RGS4: variants seen among roughly 807,000 people sequenced by gnomAD.
The protein encoded by RGS4 is regulator of G protein signaling 4.
Under a neutral mutation model 21.6 loss-of-function variants are expected in RGS4, and 15 were observed. The observed-to-expected ratio is 0.69, with a 90% CI of 0.46 to 1.07. The LOEUF (loss-of-function observed/expected upper bound fraction) is 1.07, where lower values mean the gene tolerates loss of function less well. Ranked by LOEUF, RGS4 falls within the 50% of genes least tolerant of loss-of-function variation. The probability of loss-of-function intolerance (pLI) is 0.00; values close to 1 mark genes in which losing one functional copy is unlikely to be tolerated. For missense variants in RGS4, 237 were observed against 239.0 expected (o/e 0.99, Z 0.06); for synonymous variants, 94 against 85.5 (o/e 1.10, Z -0.55).
intron 1 of RGS4, 124 bp from the exon 2 acceptor site, chr1:163,072,271 A>G: frequency 1.1e-6 from 1 of 879,944 alleles, no homozygotes. Context: ...GCCAACTCCA[A>G]CTCCCGTTCC....
chr1:163,068,946 G>A (rs1655209359), upstream of RGS4: 1 of 1,602,726 alleles, frequency 6.2e-7, no homozygotes, highest in South Asian at 1.1e-5. Context: ...TGTATAATAT[G>A]ATGCTTCTAA....
chr1:163,072,432 C>CA lies in RGS4; in HGVS notation c.87dup (p.Ser30IlefsTer2). ...GAAACATCGGCTAGGTTTCCTGCTGCAAAAATCTGATTCCTGTGAACACAA... is the reference window on the plus strand; with the variant it reads ...GAAACATCGGCTAGGTTTCCTGCTGCAAAAAATCTGATTCCTGTGAACACAA... On this transcript the variant is annotated frameshift_variant, in exon 2 of 5. Transcript: ENST00000367909. LOFTEE classifies it high-confidence loss of function. The CA allele has an allele frequency of 6.2e-7, 1 of 1,613,144 alleles. No homozygotes were observed. Among genetic ancestry groups the CA allele is most frequent in the Non-Finnish European group, 8.5e-7 (1 of 1,179,496 alleles).
At chr1:163,070,943 G>A (rs576780525) in intron 1 of RGS4, among the ~76,000 whole-genome samples, 1 of 152,236 alleles carries the variant, frequency 6.6e-6, no homozygotes, top group East Asian at 1.9e-4. Context: ...GGGTGAGTTA[G>A]GACCAAATCT....
intron 4 of RGS4, 104 bp from the exon 5 acceptor site, chr1:163,074,217 A>T: frequency 6.8e-7 from 1 of 1,474,052 alleles, no homozygotes; most frequent in Non-Finnish European, 9.2e-7. Context: ...TTTGCTTCTG[A>T]AATACAGAGG....
intron 1 of RGS4, 46 bp downstream of exon 1, chr1:163,069,574 C>T: frequency 6.7e-7 from 1 of 1,498,646 alleles, no homozygotes; most frequent in Non-Finnish European, 9.2e-7. Flanking sequence ...TTTGGCTAGA[C>T]TTTCTCAGTT....
rs1655485270 is a variant in RGS4 at position 163,076,062 on chromosome 1, T to C, written c.*1502T>C. The C allele has an allele frequency of 6.6e-6, 1 of 152,598 alleles. No individual in the cohort carries two copies. Among genetic ancestry groups the C allele is most frequent in the South Asian group, 2.1e-4 (1 of 4,832 alleles). 9.5% of individuals were successfully genotyped at this position (152,598 alleles called of 1,614,324 possible). Reference sequence around the variant, plus strand: ...TTCTCATTTATGTTATTTATGATGTTATTTTGTACGTGTTATTATTATTAT... The same window carrying C: ...TTCTCATTTATGTTATTTATGATGTCATTTTGTACGTGTTATTATTATTAT... On this transcript the variant is annotated 3_prime_UTR_variant, in exon 5 of 5. Transcript: ENST00000367909.
chr1:163,072,470 CAAG>C lies in RGS4; in HGVS notation c.124_126del (p.Lys42del), dbSNP rs760615049. ...CCTGTGAACACAATTCTTCCCACAA[CAAG>C]AAGGACAAAGTGGTTATTTGCCAGA... is the stretch of plus-strand genomic sequence containing the variant. On this transcript the variant is annotated inframe_deletion, in exon 2 of 5. Transcript: ENST00000367909. 2.5e-6 allele frequency: 4 copies of C among 1,612,880 alleles called. No homozygotes were observed. The highest frequency in any genetic ancestry group is 1.1e-5 in the South Asian group (1 of 91,056).
chr1:163,072,065 A>T, intron 1 of RGS4: 1 of 1,029,692 alleles, frequency 9.7e-7, no homozygotes, highest in Non-Finnish European at 1.2e-6. Context: ...GTGTTCAGTG[A>T]TTCAGGTTCT....
In RGS4 at chr1:163,074,618, G is replaced by C. The variant is rs1310553959; in HGVS notation, c.*58G>C. On this transcript the variant is annotated 3_prime_UTR_variant, in exon 5 of 5. Transcript: ENST00000367909. ...AGACTCTATGCTCTGGAAAACCTGA[G>C]GCCAAATATTGATCTGTATTAAGCT... The C allele has an allele frequency of 8.7e-6, 14 of 1,612,246 alleles. No individual in the cohort carries two copies. The highest frequency in any genetic ancestry group is 1.1e-5 in the Non-Finnish European group (13 of 1,178,662).
intron 1 of RGS4, among the ~76,000 whole-genome samples, chr1:163,070,064 A>C (rs1479040741): frequency 2.0e-5 from 3 of 152,158 alleles, no homozygotes; most frequent in Admixed American, 6.6e-5. Flanking sequence ...TATGAGTTTT[A>C]AAGCCAGATC....
chr1:163,069,184 A>T, upstream of RGS4: 1 of 1,506,158 alleles, frequency 6.6e-7, no homozygotes. Context: ...TACTTTTCAG[A>T]AGGATTTTCT....
rs866062466 is a variant in RGS4, at chr1:163,072,463, C to T, written c.113C>T (p.Ser38Phe). 2.5e-6 allele frequency: 4 copies of T among 1,613,110 alleles called. No homozygotes were observed. Among genetic ancestry groups the T allele is most frequent in the South Asian group, 2.2e-5 (2 of 91,062 alleles). Residue 38 changes from serine to phenylalanine, a missense_variant, in exon 2 of 5, where the codon TCC becomes TTC. By Grantham distance (155) the Ser-to-Phe change is radical (BLOSUM62 -2). Coordinates refer to ENST00000367909, the MANE Select transcript of RGS4 (RefSeq NM_005613.6). ...TCTGATTCCTGTGAACACAATTCTT[C>T]CCACAACAAGAAGGACAAAGTGGTT... Reference protein sequence around the residue: ...QKSDSCEHNSSHNKKDKVVIC... With the variant: ...QKSDSCEHNSFHNKKDKVVIC...
chr1:163,072,951 T>G (rs1353917453), intron 3 of RGS4, 85 bp downstream of exon 3: 1 of 1,187,820 alleles, frequency 8.4e-7, no homozygotes, highest in African/African-American at 1.5e-5. Context: ...CAGCAAGGCC[T>G]GGCTTCTTTC....
chr1:163,069,648 C>T (rs954771757), intron 1 of RGS4, 120 bp downstream of exon 1: 9 of 801,200 alleles, frequency 1.1e-5, no homozygotes, highest in South Asian at 1.8e-5. Context: ...CAGGAGAGCA[C>T]GACTTTCTAA....
upstream of RGS4, chr1:163,069,307 T>C (rs1164366589): frequency 6.4e-7 from 1 of 1,551,318 alleles, no homozygotes; most frequent in South Asian, 1.2e-5. Context: ...GGTCGTCTGA[T>C]TGGCTGGACG....
intron 1 of RGS4, chr1:163,072,171 G>A (rs1655339843): frequency 4.6e-6 from 5 of 1,089,296 alleles, no homozygotes; most frequent in South Asian, 5.7e-5. Flanking sequence ...AATTCCAGTT[G>A]TGGATGAAGG....
Position 163,076,233 on chromosome 1 carries a change from A to G in RGS4, c.*1673A>G, listed in dbSNP as rs1034839006. 6.6e-5 allele frequency: 10 copies of G among 152,628 alleles called. No homozygotes were observed. Among genetic ancestry groups the G allele is most frequent in the African/African-American group, 1.9e-4 (8 of 41,458 alleles). 9.5% of individuals were successfully genotyped at this position (152,628 alleles called of 1,614,324 possible). A position where few individuals can be genotyped will look rare whatever the true frequency, so the allele number is the denominator to read the frequency against. On this transcript the variant is annotated 3_prime_UTR_variant, in exon 5 of 5. Transcript: ENST00000367909. The stretch of plus-strand genomic sequence containing the variant: ...TACACTGCATTCGTTGCTCCAGTAT[A>G]AATTACATGCATGAGCACCTTTCTG...
chr1:163,073,694 C>T, intron 4 of RGS4, 72 bp downstream of exon 4: 2 of 991,080 alleles, frequency 2.0e-6, no homozygotes, highest in Non-Finnish European at 2.9e-6. Flanking sequence ...TACATGCATA[C>T]AATGTGATAA....
chr1:163,074,947 C>T lies in RGS4; in HGVS notation c.*387C>T, dbSNP rs1451460704. 2.7e-5 allele frequency: 14 copies of T among 522,902 alleles called. No homozygotes were observed. The highest frequency in any genetic ancestry group is 5.0e-4 in the Middle Eastern group (1 of 1,982). 32.4% of individuals were successfully genotyped at this position (522,902 alleles called of 1,614,324 possible). A position where few individuals can be genotyped will look rare whatever the true frequency, so the allele number is the denominator to read the frequency against. ...TGCACATGTATTCTGTTGGCCAGCA[C>T]GTTCTCCAGACTCTAGATGTTTAGA... On this transcript the variant is annotated 3_prime_UTR_variant, in exon 5 of 5. Transcript: ENST00000367909.
Sources: allele counts gnomAD v4.1 joint callset (sites outside exome capture counted in the v4.1 genomes callset), GRCh38; gene constraint gnomAD v4.1.1; transcripts MANE v1.5; gene names NCBI Gene and HGNC (gene_info 2026-07-23, HGNC 2026-07-21).